The following TPGS1 variants were observed in gnomAD, a reference collection of about 807,000 sequenced individuals.
The protein encoded by TPGS1 is gene trap ROSA b-geo 22.
Under a neutral mutation model 11.9 loss-of-function variants are expected in TPGS1, and 18 were observed. The ratio of observed to expected loss-of-function variants is 1.51; its 90% CI spans 1.04 to 2.24. TPGS1 has a LOEUF of 2.24. TPGS1 is among the 30% of genes most tolerant of loss of function. TPGS1 has a pLI of 0.00. For synonymous variants in TPGS1, 247 were observed against 218.2 expected (o/e 1.13, Z -1.16); for missense variants, 500 against 443.0 (o/e 1.13, Z -1.16).
chr19:513,631 A>G (rs540145734), intron 1 of TPGS1, among the ~76,000 whole-genome samples: 41 of 148,520 alleles, frequency 2.8e-4, no homozygotes, highest in African/African-American at 9.8e-4. Context: ...CCTACTGCAC[A>G]CCAGCCCAGC....
In TPGS1 at chr19:507,602, C is replaced by T; in HGVS notation, c.96C>T (p.Ala32=). The change falls in exon 1 of 2, where the codon GCC becomes GCT. Residue 32 remains alanine (A), a synonymous_variant. Coordinates refer to ENST00000359315, the MANE Select transcript of TPGS1 (RefSeq NM_033513.3). ...RQSVSRAAGA[A]ESEEDFLRQV... is the part of the protein sequence containing the mutation. ...CGGTATCCCGGGCGGCGGGGGCGGC[C>T]GAGAGCGAGGAGGACTTCCTGCGGC... The T allele has an allele frequency of 7.1e-7, 1 of 1,402,606 alleles. No individual in the cohort carries two copies. Among genetic ancestry groups the T allele is most frequent in the South Asian group, 1.5e-5 (1 of 66,146 alleles). The allele number at this position is 1,402,606 out of a possible 1,614,324, so 86.9% of individuals were successfully genotyped here.
intron 1 of TPGS1, among the ~76,000 whole-genome samples, chr19:518,685 G>A (rs1979045284): frequency 6.9e-6 from 1 of 144,746 alleles, no homozygotes. Flanking sequence ...CTAGCTGGGA[G>A]AAGGGAGGCG....
intron 1 of TPGS1, among the ~76,000 whole-genome samples, chr19:512,751 C>A (rs1356215773): frequency 6.6e-6 from 1 of 152,264 alleles, no homozygotes; most frequent in Non-Finnish European, 1.5e-5. Context: ...TGGTGCCGTC[C>A]CTTCCCCCTG....
chr19:507,876 C>T (rs1978672055), intron 1 of TPGS1, 32 bp downstream of exon 1: 1 of 1,296,666 alleles, frequency 7.7e-7, no homozygotes, highest in Non-Finnish European at 9.8e-7. Flanking sequence ...GCGGGTGGGG[C>T]AGCGATGGAC....
At chr19:515,259 C>T (rs544070195) in intron 1 of TPGS1, among the ~76,000 whole-genome samples, 63 of 152,176 alleles carry the variant, frequency 4.1e-4, no homozygotes, top group Admixed American at 1.3e-3. Flanking sequence ...CCACTGGCCC[C>T]GAGCAGCAAC....
intron 1 of TPGS1, among the ~76,000 whole-genome samples, chr19:514,415 T>C (rs1038334315): frequency 6.1e-5 from 9 of 146,846 alleles, no homozygotes; most frequent in African/African-American, 2.0e-4. Flanking sequence ...TGAGTACCTA[T>C]TGCACACCAG....
Position 519,185 on chromosome 19 carries a change from T to G in TPGS1, c.635T>G (p.Val212Gly). Reference protein sequence around the residue: ...FQLLEDSAAAVADRRVGQAVL... With the variant: ...FQLLEDSAAAGADRRVGQAVL... The stretch of plus-strand genomic sequence containing the variant: ...CTGCTGGAGGACTCGGCCGCCGCCG[T>G]GGCCGACCGCCGCGTGGGCCAGGCC... The change falls in exon 2 of 2, where the codon GTG (valine) becomes GGG (glycine). Residue 212 changes from valine (V) to glycine (G), a missense_variant. Val to Gly is a moderately radical substitution (Grantham distance 109, BLOSUM62 -3). Coordinates refer to ENST00000359315, the MANE Select transcript of TPGS1 (RefSeq NM_033513.3). 6.7e-7 allele frequency: 1 copy of G among 1,487,978 alleles called. No individual in the cohort carries two copies. The highest frequency in any genetic ancestry group is 8.9e-7 in the Non-Finnish European group (1 of 1,126,824). The allele number at this position is 1,487,978 out of a possible 1,614,324, so 92.2% of individuals were successfully genotyped here.
intron 1 of TPGS1, among the ~76,000 whole-genome samples, chr19:517,040 C>T (rs542367278): frequency 1.2e-4 from 19 of 152,228 alleles, no homozygotes; most frequent in African/African-American, 3.1e-4. Flanking sequence ...TACTGAGCAC[C>T]TACTGTGGGC....
In TPGS1 at chr19:507,749, CG is replaced by C; in HGVS notation, c.245del (p.Gly82AlafsTer39). On this transcript the variant is annotated frameshift_variant, in exon 1 of 2. Transcript: ENST00000359315. LOFTEE classifies it high-confidence loss of function. ...ACATGGGCCTGCGCTCGCCTGTAAACGGCGGCGCCGGGGAGCCCCCGGGCCA... is the reference window on the plus strand; with the variant it reads ...ACATGGGCCTGCGCTCGCCTGTAAACGCGGCGCCGGGGAGCCCCCGGGCCA... ...ENMGLRSPVNGGAGEPPGQLL... is the reference protein window; with the variant it reads ...ENMGLRSPVNXGAGEPPGQLL... 1.4e-6 allele frequency: 2 copies of C among 1,397,322 alleles called. No homozygotes were observed. The highest frequency in any genetic ancestry group is 1.9e-6 in the Non-Finnish European group (2 of 1,076,132). 86.6% of individuals were successfully genotyped at this position (1,397,322 alleles called of 1,614,324 possible). A position where few individuals can be genotyped will look rare whatever the true frequency, so the allele number is the denominator to read the frequency against.
At chr19:517,360 G>T (rs556286767) in intron 1 of TPGS1, among the ~76,000 whole-genome samples, 3 of 87,448 alleles carry the variant, frequency 3.4e-5, no homozygotes, top group Non-Finnish European at 6.7e-5. Flanking sequence ...GAGCTGCGGG[G>T]AGGAGAGGCC....
At chr19:515,588 A>G (rs1046030102) in intron 1 of TPGS1, among the ~76,000 whole-genome samples, 1 of 150,742 alleles carries the variant, frequency 6.6e-6, no homozygotes, top group Admixed American at 6.6e-5. Context: ...AAATACAAAA[A>G]TTAGCTGGGT....
At position 513,598 on chromosome 19, in the gene TPGS1, T is replaced by C. The variant is rs1445157129; in HGVS notation, c.339-5291T>C. Among the ~76,000 whole-genome samples the C allele has an allele frequency of 1.9e-4, 13 of 69,538 alleles. No homozygotes were observed. In the South Asian group the frequency reaches 3.9e-3, roughly 21 times the overall value. 45.6% of individuals were successfully genotyped at this position (69,538 alleles called of 152,430 possible). A position where few individuals can be genotyped will look rare whatever the true frequency, so the allele number is the denominator to read the frequency against. On this transcript the variant is annotated intron_variant, in intron 1 of 1. Transcript: ENST00000359315. ...CAGCATTTACTGAGCACCTACTGCATGCCGGCCCTGCATTACTGAACACCT... is the reference window on the plus strand; with the variant it reads ...CAGCATTTACTGAGCACCTACTGCACGCCGGCCCTGCATTACTGAACACCT...
In TPGS1 at chr19:519,414, G is replaced by C; in HGVS notation, c.864G>C (p.Pro288=). The C allele has an allele frequency of 8.2e-7, 1 of 1,219,300 alleles. No homozygotes were observed. The highest frequency in any genetic ancestry group is 3.4e-5 in the East Asian group (1 of 29,026). The allele number at this position is 1,219,300 out of a possible 1,614,324, so 75.5% of individuals were successfully genotyped here. ...AAALFIAKVK[P]VG ...CGCTCTTCATCGCGAAGGTCAAGCC[G>C]GTGGGCTGAGGCCCGTGGGCCGCGC... Residue 288 remains proline (P), a synonymous_variant, in exon 2 of 2, where the codon CCG becomes CCC. Coordinates refer to ENST00000359315, the MANE Select transcript of TPGS1 (RefSeq NM_033513.3).
intron 1 of TPGS1, 98 bp downstream of exon 1, chr19:507,942 C>A: frequency 1.0e-6 from 1 of 997,186 alleles, no homozygotes; most frequent in Non-Finnish European, 1.3e-6. Flanking sequence ...GCGCAGGGGC[C>A]CGGGGCTTGC....
chr19:518,792 G>T lies in TPGS1; in HGVS notation c.339-97G>T. On this transcript the variant is annotated intron_variant, in intron 1 of 1. Transcript: ENST00000359315. ...GAGGGGAGGCCAGGGCTGGCTGGGG[G>T]GTCGGGGAGGCTAGGGCATAGGCCT... is the stretch of plus-strand genomic sequence containing the variant. 2.3e-6 allele frequency: 3 copies of T among 1,320,138 alleles called. No individual in the cohort carries two copies. The East Asian group carries it at 8.8e-5, about 39-fold the overall frequency. 81.8% of individuals were successfully genotyped at this position (1,320,138 alleles called of 1,614,324 possible). A position where few individuals can be genotyped will look rare whatever the true frequency, so the allele number is the denominator to read the frequency against.
chr19:510,854 G>C lies in TPGS1; in HGVS notation c.338+3010G>C, dbSNP rs986941476. On this transcript the variant is annotated intron_variant, in intron 1 of 1. Coordinates refer to ENST00000359315, the MANE Select transcript of TPGS1 (RefSeq NM_033513.3). ...AGGGTTCCCCCGACTCGTCCTCTGG[G>C]GGCCGTCCTGGGTACTGCAGGGCCC... Among the ~76,000 whole-genome samples, 3 of 152,212 alleles carry C rather than the reference G, an allele frequency of 2.0e-5. No homozygotes were observed. In the East Asian group the frequency reaches 5.8e-4, roughly 29 times the overall value.
intron 1 of TPGS1, among the ~76,000 whole-genome samples, chr19:516,475 C>G (rs1379074630): frequency 6.6e-6 from 1 of 151,772 alleles, no homozygotes; most frequent in Non-Finnish European, 1.5e-5. Flanking sequence ...ACCTCCACCT[C>G]CCAGGTTCAA....
intron 1 of TPGS1, among the ~76,000 whole-genome samples, chr19:513,693 ACACCAGCCCAGCAT>A (rs1978869772): frequency 7.0e-6 from 1 of 141,992 alleles, no homozygotes; most frequent in Admixed American, 7.0e-5. Context: ...TACCTACTGC[ACACCAGCCCAGCAT>A]TACTGAGTAC....
In TPGS1 at chr19:507,632, C is replaced by T; in HGVS notation, c.126C>T (p.Val42=). The T allele has an allele frequency of 1.4e-6, 2 of 1,391,256 alleles. No individual in the cohort carries two copies. The highest frequency in any genetic ancestry group is 3.0e-5 in the South Asian group (2 of 65,614). 86.2% of individuals were successfully genotyped at this position (1,391,256 alleles called of 1,614,324 possible). The change falls in exon 1 of 2, where the codon GTC becomes GTT. Residue 42 remains valine (V), a synonymous_variant. Transcript: ENST00000359315. The part of the protein sequence containing the change: ...AESEEDFLRQ[V]GVTEMLRAAL... ...GCGAGGAGGACTTCCTGCGGCAGGT[C>T]GGCGTGACGGAAATGCTACGTGCGG... is the stretch of plus-strand genomic sequence containing the variant.
Sources: allele counts gnomAD v4.1 joint callset (sites outside exome capture counted in the v4.1 genomes callset), GRCh38; gene constraint gnomAD v4.1.1; transcripts MANE v1.5; gene names NCBI Gene and HGNC (gene_info 2026-07-23, HGNC 2026-07-21).